Variants in CDK13 observed in about 807,000 individuals in gnomAD.
CDK13 encodes cyclin dependent kinase 13, also known as cyclin-dependent kinase 13.
Under a neutral mutation model 137.6 loss-of-function variants are expected in CDK13, and 40 were observed. That is an observed-to-expected ratio of 0.29 (90% CI 0.23 to 0.38). The LOEUF is 0.38. Among genes scored for constraint, CDK13 ranks in the 10% least tolerant of loss-of-function variants. CDK13 has a pLI of 1.00. For synonymous variants in CDK13, 869 were observed against 760.1 expected (o/e 1.14, Z -2.36); for missense variants, 1,704 against 1,951.8 (o/e 0.87, Z 2.39).
intron 11 of CDK13, among the ~76,000 whole-genome samples, chr7:40,082,887 G>A (rs1189322320): frequency 6.6e-6 from 1 of 151,810 alleles, no homozygotes; most frequent in Non-Finnish European, 1.5e-5. Flanking sequence ...GATCCCTTGA[G>A]CCCATGAGTT....
chr7:39,967,484 T>C (rs564574001), intron 1 of CDK13, among the ~76,000 whole-genome samples: 1 of 150,968 alleles, frequency 6.6e-6, no homozygotes, highest in Non-Finnish European at 1.5e-5. Context: ...AAAAAAAAAA[T>C]CCGTTCATCT....
chr7:40,020,092 G>A (rs1785081073), intron 5 of CDK13, among the ~76,000 whole-genome samples: 2 of 151,572 alleles, frequency 1.3e-5, no homozygotes, highest in Non-Finnish European at 2.9e-5. Context: ...TTTTGAGACC[G>A]GGTCTTGCTC....
intron 1 of CDK13, among the ~76,000 whole-genome samples, chr7:39,981,504 A>G (rs1034922134): frequency 6.6e-6 from 1 of 152,202 alleles, no homozygotes. Context: ...TCTTATTCTC[A>G]TAACTTTTTA....
chr7:40,057,793 TTCTC>T (rs1173783274), intron 7 of CDK13, among the ~76,000 whole-genome samples: 1 of 152,222 alleles, frequency 6.6e-6, no homozygotes, highest in Non-Finnish European at 1.5e-5. Flanking sequence ...TTGGTTTTGT[TTCTC>T]TATAGCACTG....
At chr7:39,973,974 T>G (rs1304334727) in intron 1 of CDK13, among the ~76,000 whole-genome samples, 1 of 152,220 alleles carries the variant, frequency 6.6e-6, no homozygotes, top group East Asian at 1.9e-4. Context: ...CCACACAGTC[T>G]TGCTTACTCT....
chr7:39,999,288 A>G, intron 3 of CDK13, 73 bp from the exon 4 acceptor site: 1 of 1,229,686 alleles, frequency 8.1e-7, no homozygotes, highest in Non-Finnish European at 1.1e-6. Flanking sequence ...GGTGGCGAGT[A>G]GATATTGAGT....
chr7:40,000,168 G>C (rs545827107), intron 4 of CDK13, among the ~76,000 whole-genome samples: 1 of 111,746 alleles, frequency 8.9e-6, no homozygotes, highest in Admixed American at 9.0e-5. Context: ...CTAAGGCCAG[G>C]AGTTCGAGAC....
At chr7:39,986,988 C>T (rs1476190109) in intron 1 of CDK13, 1 of 152,204 alleles carries the variant, frequency 6.6e-6, no homozygotes, top group Admixed American at 6.6e-5. Context: ...GGGTTTCATT[C>T]ACTATGTTGG....
chr7:40,064,097 C>T (rs1786217237), intron 9 of CDK13, among the ~76,000 whole-genome samples: 1 of 151,750 alleles, frequency 6.6e-6, no homozygotes, highest in South Asian at 2.1e-4. Context: ...CCAGCCTGAC[C>T]AACATGGAGA....
At chr7:39,990,727 A>G (rs1386654953) in intron 2 of CDK13, among the ~76,000 whole-genome samples, 1 of 152,228 alleles carries the variant, frequency 6.6e-6, no homozygotes, top group Non-Finnish European at 1.5e-5. Context: ...TCTGTGCCCC[A>G]GTCCATAGTT....
chr7:40,095,833 T>C lies in CDK13; in HGVS notation c.*853T>C, dbSNP rs1787035244. 1.3e-5 allele frequency: 2 copies of C among 152,206 alleles called. No individual in the cohort carries two copies. Among genetic ancestry groups the C allele is most frequent in the Admixed American group, 6.5e-5 (1 of 15,268 alleles). The allele number at this position is 152,206 out of a possible 1,614,324, so 9.4% of individuals were successfully genotyped here. On this transcript the variant is annotated 3_prime_UTR_variant, in exon 14 of 14. Transcript: ENST00000181839. ...TCCATTCCCTCTGCTTGTCACACTT[T>C]CTCCTTTTCTGCCTGTCTTTGGGCT...
intron 6 of CDK13, among the ~76,000 whole-genome samples, chr7:40,047,465 T>A (rs1171514022): frequency 2.0e-5 from 3 of 152,118 alleles, no homozygotes; most frequent in Non-Finnish European, 4.4e-5. Context: ...GAACAAGAAA[T>A]TTGTCTTACT....
At chr7:40,025,080 C>T (rs1423480159) in intron 5 of CDK13, among the ~76,000 whole-genome samples, 1 of 152,140 alleles carries the variant, frequency 6.6e-6, no homozygotes, top group Non-Finnish European at 1.5e-5. Flanking sequence ...GTTCATATTT[C>T]ACAAAGGTAT....
In CDK13 at chr7:40,078,108, G is replaced by C; in HGVS notation, c.2884G>C (p.Glu962Gln). ...GAAGCAATATCGTCGAAAGTTAAGA[G>C]AAGAATTTGTTTTGTAAGAAGGGGA... is the stretch of plus-strand genomic sequence containing the variant. Reference protein sequence around the residue: ...PKKQYRRKLREEFVFIPAAAL... With the variant: ...PKKQYRRKLRQEFVFIPAAAL... The change falls in exon 10 of 14, where the codon GAA becomes CAA. Residue 962 changes from glutamate (E) to glutamine (Q), a missense_variant. Transcript: ENST00000181839. 6.4e-7 allele frequency: 1 copy of C among 1,569,666 alleles called. No individual in the cohort carries two copies. The highest frequency in any genetic ancestry group is 1.4e-5 in the African/African-American group (1 of 73,076).
At chr7:39,968,171 C>G (rs147218412) in intron 1 of CDK13, among the ~76,000 whole-genome samples, 59 of 152,266 alleles carry the variant, frequency 3.9e-4, no homozygotes, top group African/African-American at 1.2e-3. Context: ...GGTATTTTCT[C>G]CTTATCCACA....
At chr7:39,986,141 T>C (rs1459207379) in intron 1 of CDK13, 1 of 152,242 alleles carries the variant, frequency 6.6e-6, no homozygotes, top group African/African-American at 2.4e-5. Flanking sequence ...AGGTGTTGAC[T>C]TCAGGTAACG....
intron 1 of CDK13, among the ~76,000 whole-genome samples, chr7:39,979,990 C>G (rs1477411744): frequency 6.6e-6 from 1 of 152,170 alleles, no homozygotes; most frequent in Non-Finnish European, 1.5e-5. Context: ...GAACAAAGCT[C>G]TGGTGACATG....
chr7:40,085,311 G>T (rs1786764862), intron 11 of CDK13, among the ~76,000 whole-genome samples: 1 of 151,616 alleles, frequency 6.6e-6, no homozygotes, highest in Non-Finnish European at 1.5e-5. Context: ...GAGTGAGCCG[G>T]GATAGCACCA....
At chr7:39,966,827 A>G (rs903703001) in intron 1 of CDK13, among the ~76,000 whole-genome samples, 1 of 151,994 alleles carries the variant, frequency 6.6e-6, no homozygotes, top group Admixed American at 6.6e-5. Flanking sequence ...CTTTCCTTCT[A>G]ACAGTCAGGA....
Sources: gnomAD v4.1 joint callset for allele counts (sites outside exome capture counted in the v4.1 genomes callset) on GRCh38, gnomAD v4.1.1 for gene constraint, MANE v1.5 for transcripts, NCBI Gene and HGNC (gene_info 2026-07-23, HGNC 2026-07-21) for gene names.